Variants in ANO9 observed in about 807,000 individuals in gnomAD.
ANO9 encodes the protein anoctamin-9.
A neutral mutation model predicts 100.5 loss-of-function variants in ANO9; 80 were observed. The ratio of observed to expected loss-of-function variants is 0.80; its 90% CI spans 0.66 to 0.96. The LOEUF is 0.96. Ranked by LOEUF, ANO9 falls within the 40% of genes least tolerant of loss-of-function variation. The pLI is 0.00. For missense variants in ANO9, 1,064 were observed against 1,072.7 expected (o/e 0.99, Z 0.11); for synonymous variants, 473 against 435.6 (o/e 1.09, Z -1.07).
chr11:432,053 G>T lies in ANO9; in HGVS notation c.352C>A (p.Leu118Ile), dbSNP rs761709193. The T allele has an allele frequency of 3.7e-6, 6 of 1,612,816 alleles. No individual in the cohort carries two copies. In the South Asian group the frequency reaches 5.5e-5, roughly 15 times the overall value. ...APTTIPVTTS[L>I]RIRIVNFVVM... ...ACGAAGTTCACGATTCGGATTCTGAGACTCAAGAGCCAGAGCAGGGTGGCC... is the reference window on the plus strand; with the variant it reads ...ACGAAGTTCACGATTCGGATTCTGATACTCAAGAGCCAGAGCAGGGTGGCC... Residue 118 changes from leucine to isoleucine, a missense_variant and splice_region_variant, in exon 5 of 23, where the codon CTC (leucine) becomes ATC (isoleucine). Physicochemically the swap from Leu to Ile is conservative, Grantham distance 5 (BLOSUM62 2). Coordinates refer to ENST00000332826, the MANE Select transcript of ANO9 (RefSeq NM_001012302.3). The surrounding 1 kb of genome is among the most constrained non-coding windows in gnomAD (Gnocchi z 4.8).
chr11:426,344 G>A (rs1426099732), intron 15 of ANO9, among the ~76,000 whole-genome samples: 5 of 152,114 alleles, frequency 3.3e-5, no homozygotes, highest in Non-Finnish European at 7.4e-5. Context: ...GGCCGAGGCA[G>A]GAGGATTGCT....
Position 421,338 on chromosome 11 carries a change from C to T in ANO9, c.1335-140G>A. 1.2e-6 allele frequency: 1 copy of T among 850,840 alleles called. No individual in the cohort carries two copies. Among genetic ancestry groups the T allele is most frequent in the Non-Finnish European group, 1.7e-6 (1 of 579,160 alleles). The allele number at this position is 850,840 out of a possible 1,614,324, so 52.7% of individuals were successfully genotyped here. On this transcript the variant is annotated intron_variant, in intron 15 of 22. Transcript: ENST00000332826. This position sits in a 1 kb window ranked among gnomAD's most constrained non-coding sequence, Gnocchi z 6.8. ...CAGGTGAGCGGGGCACAGGTGCTCA[C>T]ACCCAGATGAACCGCACCCGCACGT... is the stretch of plus-strand genomic sequence containing the variant.
intron 19 of ANO9, chr11:420,171 C>G: frequency 3.6e-6 from 5 of 1,377,816 alleles, no homozygotes; most frequent in South Asian, 1.6e-5. Flanking sequence ...GCCGGCTGCT[C>G]TGTTCCAGCC....
rs1848210762 is a variant in ANO9, at chr11:421,735, T to C, written c.1335-537A>G. ...TACGAGTGGCCTCGGTTTCTCCCCGTGGAAACGGCACGATGGGTTATTTTG... is the reference window on the plus strand; with the variant it reads ...TACGAGTGGCCTCGGTTTCTCCCCGCGGAAACGGCACGATGGGTTATTTTG... On this transcript the variant is annotated intron_variant, in intron 15 of 22. Coordinates refer to ENST00000332826, the MANE Select transcript of ANO9 (RefSeq NM_001012302.3). The surrounding 1 kb of genome is among the most constrained non-coding windows in gnomAD (Gnocchi z 6.8). Among the ~76,000 whole-genome samples the C allele has an allele frequency of 6.6e-6, 1 of 152,240 alleles. No homozygotes were observed. Among genetic ancestry groups the C allele is most frequent in the African/African-American group, 2.4e-5 (1 of 41,460 alleles).
Position 428,376 on chromosome 11 carries a change from G to A in ANO9, c.1204C>T (p.Leu402=). Residue 402 remains leucine, a synonymous_variant, in exon 14 of 23, where the codon CTG becomes TTG. Transcript: ENST00000332826. The part of the protein sequence containing the change: ...IMTKINRCVA[L]KLCDFEMPRT... ...CTCTCACCGAAGTCACAAAGCTTCA[G>A]GGCCACGCACCTGTTGATCTGCGGA... 1 of 1,612,654 alleles carries A rather than the reference G, an allele frequency of 6.2e-7. No homozygotes were observed. The highest frequency in any genetic ancestry group is 8.5e-7 in the Non-Finnish European group (1 of 1,179,946).
intron 20 of ANO9, 102 bp from the exon 21 acceptor site, chr11:419,091 TG>T: frequency 6.4e-7 from 1 of 1,566,298 alleles, no homozygotes; most frequent in Non-Finnish European, 8.6e-7. Flanking sequence ...AACAGTGAGG[TG>T]GGGGCCACGC....
In ANO9 at chr11:421,597, C is replaced by A. The variant is rs549348216; in HGVS notation, c.1335-399G>T. On this transcript the variant is annotated intron_variant, in intron 15 of 22. Transcript: ENST00000332826. This position sits in a 1 kb window ranked among gnomAD's most constrained non-coding sequence, Gnocchi z 6.8. The stretch of plus-strand genomic sequence containing the variant: ...TGGGCGCGCGCACACACACACACAC[C>A]CCCACACAGGGGAGGCCACAGGCTC... Among the ~76,000 whole-genome samples the A allele has an allele frequency of 2.7e-3, 333 of 122,938 alleles. 3 individuals carry two copies. Among genetic ancestry groups the A allele is most frequent in the Middle Eastern group, 4.5e-3 (1 of 220 alleles). 80.7% of individuals were successfully genotyped at this position (122,938 alleles called of 152,430 possible). A position where few individuals can be genotyped will look rare whatever the true frequency, so the allele number is the denominator to read the frequency against.
In ANO9 at chr11:438,877, A is replaced by G. The variant is rs1030393512; in HGVS notation, c.6+3044T>C. ...GGGCCCCACCTCCGGGAAACTATGT[A>G]TGGGCCCACAGGCTTCCAGCTCCCA... On this transcript the variant is annotated intron_variant, in intron 1 of 22. Transcript: ENST00000332826. 2.2e-4 allele frequency among the ~76,000 whole-genome samples: 33 copies of G among 152,174 alleles called. 1 individual carries two copies. Among genetic ancestry groups the G allele is most frequent in the Admixed American group, 2.2e-3 (33 of 15,292 alleles).
At chr11:425,702 AGTTTTTT>A (rs747267754) in intron 15 of ANO9, among the ~76,000 whole-genome samples, 1 of 147,480 alleles carries the variant, frequency 6.8e-6, no homozygotes, top group Non-Finnish European at 1.5e-5. Flanking sequence ...CTTCACCAAT[AGTTTTTT>A]GTTTTTTGTT....
chr11:431,940 G>C, intron 5 of ANO9, 34 bp from the exon 6 acceptor site: 3 of 1,611,788 alleles, frequency 1.9e-6, no homozygotes, highest in Non-Finnish European at 2.5e-6. Flanking sequence ...CAGGGGGAGT[G>C]AGGTGCTGGG....
chr11:433,531 C>A (rs368819375), intron 3 of ANO9, 72 bp from the exon 4 acceptor site: 21 of 1,580,732 alleles, frequency 1.3e-5, no homozygotes, highest in Admixed American at 7.3e-5. Context: ...AACCCTCCCC[C>A]CTCTATTCCA....
chr11:428,970 C>T (rs1848701448), intron 11 of ANO9, 144 bp from the exon 12 acceptor site: 1 of 747,228 alleles, frequency 1.3e-6, no homozygotes. Context: ...ACGCACCCCA[C>T]ACGTGGGGAG....
chr11:441,961 C>T lies in ANO9; in HGVS notation c.-35G>A, dbSNP rs376781643. On this transcript the variant is annotated 5_prime_UTR_variant, in exon 1 of 23. Transcript: ENST00000332826. ...GGCCGGAGTTCCAGCTGGGGTTTGG[C>T]GGCCAGGAGAGTGGCTGCCAGCGGC... 121 of 1,602,072 alleles carry T rather than the reference C, an allele frequency of 7.6e-5. No individual in the cohort carries two copies. Among genetic ancestry groups the T allele is most frequent in the African/African-American group, 1.2e-4 (9 of 74,860 alleles).
chr11:420,624 T>C lies in ANO9; in HGVS notation c.1634-9A>G. The C allele has an allele frequency of 1.9e-6, 3 of 1,604,272 alleles. No homozygotes were observed. The highest frequency in any genetic ancestry group is 8.5e-7 in the Non-Finnish European group (1 of 1,179,010). ...GAAGCCGTACTGGATCACTGCGCGGTGGGGGTCAGGCTCACCGGCGCCCCG... is the reference window on the plus strand; with the variant it reads ...GAAGCCGTACTGGATCACTGCGCGGCGGGGGTCAGGCTCACCGGCGCCCCG... On this transcript the variant is annotated splice_polypyrimidine_tract_variant and intron_variant, in intron 18 of 22. Coordinates refer to ENST00000332826, the MANE Select transcript of ANO9 (RefSeq NM_001012302.3).
At chr11:420,294 T>A in intron 19 of ANO9, 169 bp downstream of exon 19, 4 of 1,436,480 alleles carry the variant, frequency 2.8e-6, no homozygotes, top group African/African-American at 2.9e-5. Flanking sequence ...CCTGGTACCC[T>A]CCCACCCAGG....
chr11:441,159 T>G (rs2133727390), intron 1 of ANO9, among the ~76,000 whole-genome samples: 1 of 152,226 alleles, frequency 6.6e-6, no homozygotes, highest in Admixed American at 6.5e-5. Context: ...AGCCCACACG[T>G]GGAGGCCCTG....
In ANO9 at chr11:433,772, G is replaced by T. The variant is rs778195370; in HGVS notation, c.204+43C>A. On this transcript the variant is annotated intron_variant, in intron 3 of 22. Coordinates refer to ENST00000332826, the MANE Select transcript of ANO9 (RefSeq NM_001012302.3). ...TGGCCCTGCCCCTCGCTGGACACCCGCCCCGGCCCCATGGCCCTGCCCCTC... is the reference window on the plus strand; with the variant it reads ...TGGCCCTGCCCCTCGCTGGACACCCTCCCCGGCCCCATGGCCCTGCCCCTC... The T allele has an allele frequency of 1.5e-5, 22 of 1,487,986 alleles. No homozygotes were observed. The East Asian group carries it at 5.2e-4, about 35-fold the overall frequency. 92.2% of individuals were successfully genotyped at this position (1,487,986 alleles called of 1,614,324 possible).
Position 433,804 on chromosome 11 carries a change from C to T in ANO9, c.204+11G>A. 6.4e-7 allele frequency: 1 copy of T among 1,554,962 alleles called. No individual in the cohort carries two copies. Among genetic ancestry groups the T allele is most frequent in the Non-Finnish European group, 8.7e-7 (1 of 1,149,856 alleles). On this transcript the variant is annotated intron_variant, in intron 3 of 22. Transcript: ENST00000332826. Reference sequence around the variant, plus strand: ...CCCCATGGCCCTGCCCCTCGCTGGGCACCCGCCCACCTTAATGTGGAAGCC... The same window carrying T: ...CCCCATGGCCCTGCCCCTCGCTGGGTACCCGCCCACCTTAATGTGGAAGCC...
Position 419,642 on chromosome 11 carries a change from G to A in ANO9, c.1874C>T (p.Pro625Leu). 2 of 1,613,572 alleles carry A rather than the reference G, an allele frequency of 1.2e-6. No homozygotes were observed. The highest frequency in any genetic ancestry group is 2.2e-5 in the East Asian group (1 of 44,874). ...ATAGCGGTACTTGTAGACCACTCGG[G>A]GGATGAACTCAGATGTGAAGGCAAT... is the stretch of plus-strand genomic sequence containing the variant. ...MVIAFTSEFI[P>L]RVVYKYRYSP... Residue 625 changes from proline to leucine, a missense_variant, in exon 20 of 23, where the codon CCC (proline) becomes CTC (leucine). Pro to Leu is a moderately conservative substitution (Grantham distance 98). Coordinates refer to ENST00000332826, the MANE Select transcript of ANO9 (RefSeq NM_001012302.3).
Sources: gnomAD v4.1 joint callset for allele counts (sites outside exome capture counted in the v4.1 genomes callset) on GRCh38, gnomAD v4.1.1 for gene constraint, Gnocchi (gnomAD v3.1) non-coding constraint, MANE v1.5 for transcripts, NCBI Gene and HGNC (gene_info 2026-07-23, HGNC 2026-07-21) for gene names.